SLC9A9: variants seen among roughly 807,000 people sequenced by gnomAD.
SLC9A9 encodes the protein solute carrier family 9 member A9.
In SLC9A9, 62 loss-of-function variants were observed where a neutral mutation model predicts 77.8. That is an observed-to-expected ratio of 0.80 (90% CI 0.65 to 0.98). The LOEUF (loss-of-function observed/expected upper bound fraction) is 0.98. Ranked by LOEUF, SLC9A9 falls within the 50% of genes least tolerant of loss-of-function variation. The probability of loss-of-function intolerance (pLI) is 0.00; values close to 1 mark genes in which losing one functional copy is unlikely to be tolerated. For synonymous variants in SLC9A9, 320 were observed against 283.5 expected (o/e 1.13, Z -1.29); for missense variants, 775 against 774.9 (o/e 1.00, Z 0.00).
intron 6 of SLC9A9, among the ~76,000 whole-genome samples, chr3:143,632,089 C>T (rs1365095076): frequency 6.6e-6 from 1 of 152,114 alleles, no homozygotes; most frequent in African/African-American, 2.4e-5. Flanking sequence ...GGATTACAGA[C>T]CTTTAACTCC....
chr3:143,835,511 AT>A (rs2009546405), intron 1 of SLC9A9, among the ~76,000 whole-genome samples: 1 of 152,250 alleles, frequency 6.6e-6, no homozygotes, highest in Non-Finnish European at 1.5e-5. Flanking sequence ...ATAGTGAAAC[AT>A]CGACTCAGTG....
chr3:143,317,516 G>A (rs1420480593), intron 14 of SLC9A9, among the ~76,000 whole-genome samples: 1 of 152,192 alleles, frequency 6.6e-6, no homozygotes, highest in African/African-American at 2.4e-5. Context: ...TATGGGGGCT[G>A]AAAGATGAGA....
intron 9 of SLC9A9, among the ~76,000 whole-genome samples, chr3:143,499,147 C>T (rs1380671298): frequency 6.6e-6 from 1 of 152,164 alleles, no homozygotes; most frequent in African/African-American, 2.4e-5. Flanking sequence ...ACACTTTTGC[C>T]TCTTGATATT....
chr3:143,710,501 TA>T (rs1934112717), intron 4 of SLC9A9, among the ~76,000 whole-genome samples: 1 of 152,084 alleles, frequency 6.6e-6, no homozygotes, highest in Non-Finnish European at 1.5e-5. Flanking sequence ...TCTCCTCACA[TA>T]TGAAGCTGCA....
At chr3:143,636,018 T>C (rs559750138) in intron 6 of SLC9A9, among the ~76,000 whole-genome samples, 1 of 152,278 alleles carries the variant, frequency 6.6e-6, no homozygotes, top group Admixed American at 6.5e-5. Flanking sequence ...AAGCAGAAGC[T>C]CCACATGATC....
chr3:143,520,718 C>A (rs2036282096), intron 9 of SLC9A9, among the ~76,000 whole-genome samples: 1 of 152,126 alleles, frequency 6.6e-6, no homozygotes, highest in African/African-American at 2.4e-5. Flanking sequence ...GTATATGGAT[C>A]AGGGATCTGA....
At chr3:143,648,493 A>G (rs1348968434) in intron 6 of SLC9A9, among the ~76,000 whole-genome samples, 1 of 152,140 alleles carries the variant, frequency 6.6e-6, no homozygotes, top group African/African-American at 2.4e-5. Context: ...TCACTGGCCC[A>G]TTGCTCACCT....
chr3:143,356,488 A>G (rs2032588447), intron 14 of SLC9A9, among the ~76,000 whole-genome samples: 4 of 152,312 alleles, frequency 2.6e-5, no homozygotes, highest in African/African-American at 9.6e-5. Flanking sequence ...AAAAGTCACA[A>G]GAACACAGGA....
At chr3:143,468,541 A>G (rs1444713322) in intron 11 of SLC9A9, among the ~76,000 whole-genome samples, 1 of 152,204 alleles carries the variant, frequency 6.6e-6, no homozygotes, top group Non-Finnish European at 1.5e-5. Flanking sequence ...TCTTGTTTTC[A>G]AAATTGTTTT....
chr3:143,339,614 C>T (rs2032036567), intron 14 of SLC9A9, among the ~76,000 whole-genome samples: 1 of 152,188 alleles, frequency 6.6e-6, no homozygotes, highest in Non-Finnish European at 1.5e-5. Context: ...CTTAAGGCTT[C>T]CCGTCACATT....
rs187061576 is a variant in SLC9A9 at position 143,390,812 on chromosome 3, C to A, written c.1470-8698G>T. Among the ~76,000 whole-genome samples, 20 of 152,366 alleles carry A rather than the reference C, an allele frequency of 1.3e-4. No individual in the cohort carries two copies. In the East Asian group the frequency reaches 2.1e-3, roughly 16 times the overall value. On this transcript the variant is annotated intron_variant, in intron 12 of 15. Transcript: ENST00000316549. ...CACACCAGGAGATTATATCCTGGGC[C>A]TGGCTCAGAGGGTCCCACACCCACA...
In SLC9A9 at chr3:143,336,174, G is replaced by T. The variant is rs540250621; in HGVS notation, c.1604+27310C>A. 5.3e-5 allele frequency among the ~76,000 whole-genome samples: 8 copies of T among 152,166 alleles called. No homozygotes were observed. The South Asian group carries it at 1.7e-3, about 32-fold the overall frequency. ...AGATGCTCAATATCTCTAATCATCAGGAGACTACATAATGAGATATCACCT... is the reference window on the plus strand; with the variant it reads ...AGATGCTCAATATCTCTAATCATCATGAGACTACATAATGAGATATCACCT... On this transcript the variant is annotated intron_variant, in intron 14 of 15. Transcript: ENST00000316549.
At chr3:143,616,473 C>T (rs1281610755) in intron 6 of SLC9A9, among the ~76,000 whole-genome samples, 2 of 152,222 alleles carry the variant, frequency 1.3e-5, no homozygotes, top group Middle Eastern at 3.4e-3. Flanking sequence ...TTCCATATGT[C>T]CTCAATAATC....
At chr3:143,314,916 C>G (rs1215745946) in intron 14 of SLC9A9, among the ~76,000 whole-genome samples, 1 of 152,214 alleles carries the variant, frequency 6.6e-6, no homozygotes. Flanking sequence ...TCACTGCACT[C>G]AATAGTGAGT....
chr3:143,657,834 T>C (rs2038916523), intron 5 of SLC9A9, among the ~76,000 whole-genome samples: 1 of 152,218 alleles, frequency 6.6e-6, no homozygotes, highest in African/African-American at 2.4e-5. Context: ...TTTTAGAATT[T>C]GTTTTAATTT....
chr3:143,737,836 C>G (rs78335908), intron 4 of SLC9A9, among the ~76,000 whole-genome samples: 3 of 152,052 alleles, frequency 2.0e-5, no homozygotes, highest in Admixed American at 2.0e-4. Context: ...CACCCCGGCC[C>G]GAGATTTTAC....
intron 4 of SLC9A9, among the ~76,000 whole-genome samples, chr3:143,748,930 C>T (rs1327055118): frequency 6.6e-6 from 1 of 151,350 alleles, no homozygotes; most frequent in African/African-American, 2.4e-5. Context: ...GTCTCGATCT[C>T]CTGACTTCAT....
At chr3:143,269,863 G>A (rs1257060792) in intron 14 of SLC9A9, among the ~76,000 whole-genome samples, 3 of 152,192 alleles carry the variant, frequency 2.0e-5, no homozygotes, top group African/African-American at 7.2e-5. Context: ...ATGAAGATCC[G>A]CAGCTGTGCT....
intron 12 of SLC9A9, among the ~76,000 whole-genome samples, chr3:143,418,523 T>C (rs1042599760): frequency 2.6e-5 from 4 of 152,034 alleles, no homozygotes. Flanking sequence ...TGAAGCTGGG[T>C]GGCAGGTTTG....
Sources: allele counts gnomAD v4.1 joint callset (sites outside exome capture counted in the v4.1 genomes callset), GRCh38; gene constraint gnomAD v4.1.1; transcripts MANE v1.5; gene names NCBI Gene and HGNC (gene_info 2026-07-23, HGNC 2026-07-21).